RIPOR2: variants seen among roughly 807,000 people sequenced by gnomAD.
RIPOR2 encodes the protein RHO family interacting cell polarization regulator 2.
Under a neutral mutation model 114.5 loss-of-function variants are expected in RIPOR2, and 39 were observed. That is an observed-to-expected ratio of 0.34 (90% CI 0.26 to 0.44). The LOEUF is 0.44. RIPOR2 is among the 20% of genes least tolerant of loss of function. The pLI is 1.00. For missense variants in RIPOR2, 1,007 were observed against 1,255.1 expected, an observed-to-expected ratio of 0.80 and a Z score of 2.99; for synonymous variants, 445 against 484.4, an observed-to-expected ratio of 0.92 and a Z score of 1.07.
intron 1 of RIPOR2, among the ~76,000 whole-genome samples, chr6:24,944,456 AAAC>A (rs1221278586): frequency 1.3e-5 from 2 of 152,324 alleles, no homozygotes; most frequent in Admixed American, 6.5e-5. Context: ...GTCACTAAAA[AAAC>A]AACAAGAACA....
chr6:24,933,263 T>G (rs1771535516), intron 1 of RIPOR2, among the ~76,000 whole-genome samples: 1 of 152,246 alleles, frequency 6.6e-6, no homozygotes, highest in African/African-American at 2.4e-5. Flanking sequence ...TACTGACCAC[T>G]ATTCTAAAAG....
At chr6:25,012,909 T>A (rs959170584) in intron 1 of RIPOR2, among the ~76,000 whole-genome samples, 8 of 151,278 alleles carry the variant, frequency 5.3e-5, no homozygotes, top group South Asian at 2.1e-4. Context: ...AAAGTTGTTT[T>A]AAAAAAAAAC....
At chr6:24,995,467 C>T (rs921256776) in intron 1 of RIPOR2, among the ~76,000 whole-genome samples, 1 of 152,238 alleles carries the variant, frequency 6.6e-6, no homozygotes, top group Admixed American at 6.5e-5. Flanking sequence ...GACAGCCAGG[C>T]CTTGCCTGGG....
In RIPOR2 at chr6:24,843,238, G is replaced by A. The variant is rs201683408; in HGVS notation, c.1481C>T (p.Pro494Leu). ...GGACTGTCGGCGGCAAGCCTCAGAT[G>A]GGGCCGAGGCAGGTTTTCTGGGCTC... ...PEEPRKPASA[P>L]SEACRRQSSG... Residue 494 changes from proline (P) to leucine (L), a missense_variant, in exon 13 of 22, where the codon CCA becomes CTA. Transcript: ENST00000643898. The A allele has an allele frequency of 1.5e-5, 25 of 1,613,902 alleles. No homozygotes were observed. Among genetic ancestry groups the A allele is most frequent in the African/African-American group, 1.5e-4 (11 of 74,934 alleles).
chr6:24,850,467 T>G, intron 10 of RIPOR2, 130 bp downstream of exon 10: 1 of 935,538 alleles, frequency 1.1e-6, no homozygotes, highest in Non-Finnish European at 1.6e-6. Flanking sequence ...GCAGCTGTCT[T>G]TGTAATAGAC....
chr6:25,007,678 C>T (rs1209455012), intron 1 of RIPOR2, among the ~76,000 whole-genome samples: 1 of 151,816 alleles, frequency 6.6e-6, no homozygotes, highest in African/African-American at 2.4e-5. Flanking sequence ...TTCCTTCCTG[C>T]CCTCCCCATC....
intron 8 of RIPOR2, among the ~76,000 whole-genome samples, chr6:24,856,194 C>T (rs1202055832): frequency 6.6e-6 from 1 of 152,108 alleles, no homozygotes. Flanking sequence ...GTGGCAGAAA[C>T]TCACCAGCTC....
chr6:24,969,543 G>C (rs1049342141), intron 1 of RIPOR2, among the ~76,000 whole-genome samples: 2 of 152,200 alleles, frequency 1.3e-5, no homozygotes, highest in African/African-American at 4.8e-5. Context: ...CCACTTGTTG[G>C]AGTGGGGTGT....
chr6:24,897,893 G>A (rs1768043197), intron 1 of RIPOR2, among the ~76,000 whole-genome samples: 1 of 152,048 alleles, frequency 6.6e-6, no homozygotes, highest in Admixed American at 6.5e-5. Flanking sequence ...CCAAGTAGCT[G>A]GGACTACAGG....
chr6:24,955,392 C>T (rs1371297538), intron 1 of RIPOR2, among the ~76,000 whole-genome samples: 1 of 152,012 alleles, frequency 6.6e-6, no homozygotes, highest in South Asian at 2.1e-4. Context: ...GCATCTGAGC[C>T]CTGGGGGACA....
chr6:24,893,208 A>C (rs970106405), intron 1 of RIPOR2, among the ~76,000 whole-genome samples: 1 of 152,244 alleles, frequency 6.6e-6, no homozygotes, highest in African/African-American at 2.4e-5. Context: ...ATGGATATTC[A>C]GGAATTTGTT....
intron 12 of RIPOR2, chr6:24,847,416 A>T: frequency 1.1e-6 from 1 of 909,280 alleles, no homozygotes. Context: ...TCCCGCCCCA[A>T]GGACAGTACA....
chr6:25,041,551 T>C (rs1038875872), intron 1 of RIPOR2, among the ~76,000 whole-genome samples: 2 of 152,260 alleles, frequency 1.3e-5, no homozygotes, highest in Non-Finnish European at 1.5e-5. Context: ...AATATTTATT[T>C]GTATTTTCCA....
intron 1 of RIPOR2, among the ~76,000 whole-genome samples, chr6:24,943,919 A>C (rs1178625483): frequency 1.3e-5 from 2 of 152,190 alleles, no homozygotes; most frequent in African/African-American, 4.8e-5. Flanking sequence ...CCAAGTGTGA[A>C]CAGTCTTTTC....
chr6:24,972,253 G>C (rs1389433888), intron 1 of RIPOR2, among the ~76,000 whole-genome samples: 1 of 152,206 alleles, frequency 6.6e-6, no homozygotes, highest in African/African-American at 2.4e-5. Flanking sequence ...AATGTAGGCA[G>C]TTTAGGTAAC....
At chr6:25,032,740 A>G (rs1402706450) in intron 1 of RIPOR2, among the ~76,000 whole-genome samples, 1 of 152,194 alleles carries the variant, frequency 6.6e-6, no homozygotes, top group Non-Finnish European at 1.5e-5. Context: ...TTACAATTAT[A>G]ATCATTTTTT....
chr6:25,029,419 A>G (rs1191774653), intron 1 of RIPOR2, among the ~76,000 whole-genome samples: 1 of 150,760 alleles, frequency 6.6e-6, no homozygotes, highest in African/African-American at 2.4e-5. Context: ...AAGAAAAAAA[A>G]AAAAAAAAAA....
chr6:25,033,552 T>G (rs1274780883), intron 1 of RIPOR2, among the ~76,000 whole-genome samples: 1 of 152,234 alleles, frequency 6.6e-6, no homozygotes, highest in Admixed American at 6.5e-5. Flanking sequence ...TCATTGCTAT[T>G]GGGTATTACT....
At chr6:24,850,552 C>T (rs373335497) in intron 10 of RIPOR2, 45 bp downstream of exon 10, 2 of 1,611,076 alleles carry the variant, frequency 1.2e-6, no homozygotes, top group Middle Eastern at 1.6e-4. Context: ...ATGGATCATC[C>T]AGCCGTGGCA....
Sources: allele counts gnomAD v4.1 joint callset (sites outside exome capture counted in the v4.1 genomes callset), GRCh38; gene constraint gnomAD v4.1.1; transcripts MANE v1.5; gene names NCBI Gene and HGNC (gene_info 2026-07-23, HGNC 2026-07-21).